The following ATP6V1A variants were observed in gnomAD, a reference collection of about 807,000 sequenced individuals.
The protein encoded by ATP6V1A is V-type proton ATPase catalytic subunit A.
ATP6V1A carries 18 observed loss-of-function variants against 70.1 expected under a neutral mutation model. That is an observed-to-expected ratio of 0.26 (90% CI 0.18 to 0.38). The LOEUF (loss-of-function observed/expected upper bound fraction) is 0.38. Among genes scored for constraint, ATP6V1A ranks in the 10% least tolerant of loss-of-function variants. The pLI, the probability that ATP6V1A is intolerant of heterozygous loss-of-function variation, is 1.00. For missense variants in ATP6V1A, 424 were observed against 772.4 expected (o/e 0.55, Z 5.35); for synonymous variants, 232 against 253.8 (o/e 0.91, Z 0.82).
At chr3:113,800,897 G>A (rs977682296) in intron 12 of ATP6V1A, among the ~76,000 whole-genome samples, 6 of 152,180 alleles carry the variant, frequency 3.9e-5, no homozygotes, top group Non-Finnish European at 7.3e-5. Flanking sequence ...ACTCATACCT[G>A]TAATCCCAGC....
At chr3:113,786,858 C>T (rs777475336) in intron 6 of ATP6V1A, among the ~76,000 whole-genome samples, 1 of 151,902 alleles carries the variant, frequency 6.6e-6, no homozygotes, top group Non-Finnish European at 1.5e-5. Flanking sequence ...CTCACTGCAA[C>T]CTCTGCCTCC....
intron 14 of ATP6V1A, among the ~76,000 whole-genome samples, chr3:113,808,147 A>G (rs1393327637): frequency 6.7e-6 from 1 of 149,650 alleles, no homozygotes; most frequent in Non-Finnish European, 1.5e-5. Context: ...AAAAAAAACA[A>G]AGAAAAGAAA....
At chr3:113,752,506 T>G (rs943253002) in intron 1 of ATP6V1A, among the ~76,000 whole-genome samples, 2 of 152,000 alleles carry the variant, frequency 1.3e-5, no homozygotes, top group Non-Finnish European at 2.9e-5. Context: ...TTGCAAAATA[T>G]TTCTTAATTT....
At chr3:113,750,428 G>A (rs1012565520) in intron 1 of ATP6V1A, among the ~76,000 whole-genome samples, 2 of 152,172 alleles carry the variant, frequency 1.3e-5, no homozygotes, top group African/African-American at 4.8e-5. Flanking sequence ...GTTGCAGTGA[G>A]CCAAGATCAC....
At chr3:113,756,963 G>A (rs1437451156) in intron 1 of ATP6V1A, among the ~76,000 whole-genome samples, 1 of 152,182 alleles carries the variant, frequency 6.6e-6, no homozygotes, top group East Asian at 1.9e-4. Context: ...AAATGAGGTA[G>A]CGAGGAGCTT....
intron 1 of ATP6V1A, among the ~76,000 whole-genome samples, chr3:113,776,959 C>T (rs1324115491): frequency 6.6e-6 from 1 of 152,214 alleles, no homozygotes; most frequent in Non-Finnish European, 1.5e-5. Flanking sequence ...AAGGTATCTT[C>T]TCTAAACATT....
intron 1 of ATP6V1A, among the ~76,000 whole-genome samples, chr3:113,752,868 TTA>T (rs768916925): frequency 7.2e-5 from 11 of 152,132 alleles, no homozygotes; most frequent in Non-Finnish European, 1.5e-4. Context: ...GATTAGAGGC[TTA>T]AATGTAAACA....
chr3:113,771,902 T>G (rs1218601418), intron 1 of ATP6V1A, among the ~76,000 whole-genome samples: 1 of 152,212 alleles, frequency 6.6e-6, no homozygotes, highest in Non-Finnish European at 1.5e-5. Context: ...GAAATTTCCT[T>G]GCTTACGGTA....
chr3:113,754,159 G>T (rs1008871767), intron 1 of ATP6V1A, among the ~76,000 whole-genome samples: 1 of 152,154 alleles, frequency 6.6e-6, no homozygotes, highest in Non-Finnish European at 1.5e-5. Flanking sequence ...GCACTAAGAT[G>T]ATTTACTTTC....
intron 8 of ATP6V1A, among the ~76,000 whole-genome samples, chr3:113,794,270 A>G (rs1320626715): frequency 1.3e-5 from 2 of 152,220 alleles, no homozygotes; most frequent in South Asian, 2.1e-4. Flanking sequence ...TTGCATGCAT[A>G]CATGTTTGTG....
intron 5 of ATP6V1A, among the ~76,000 whole-genome samples, chr3:113,785,952 C>T (rs1368782448): frequency 6.8e-6 from 1 of 147,878 alleles, no homozygotes; most frequent in Admixed American, 6.8e-5. Flanking sequence ...ATCCTCCTGC[C>T]TCAGTTTTCT....
At chr3:113,797,957 AC>A (rs777991466) in intron 11 of ATP6V1A, among the ~76,000 whole-genome samples, 54 of 152,040 alleles carry the variant, frequency 3.6e-4, no homozygotes, top group Admixed American at 2.0e-4. Context: ...ACATGGTGAA[AC>A]CCCATCTCTA....
rs1242909342 is a variant in ATP6V1A at position 113,798,325 on chromosome 3, T to C, written c.1373T>C (p.Met458Thr). ...VNWLISYSKYMRALDEYYDKH... is the reference protein window; with the variant it reads ...VNWLISYSKYTRALDEYYDKH... ...TGGCTCATCAGCTACAGCAAGTATA[T>C]GCGTGCCTTGGATGAATACTATGAC... is the stretch of plus-strand genomic sequence containing the variant. Residue 458 changes from methionine (M) to threonine (T), a missense_variant, in exon 12 of 15, where the codon ATG becomes ACG. This residue lies in a region of ATP6V1A where 127 missense variants were observed against 207.9 expected (regional missense o/e 0.61). Transcript: ENST00000273398. 15 of 1,613,888 alleles carry C rather than the reference T, an allele frequency of 9.3e-6. No homozygotes were observed. Among genetic ancestry groups the C allele is most frequent in the Non-Finnish European group, 1.0e-5 (12 of 1,180,012 alleles).
Position 113,765,644 on chromosome 3 carries a change from G to A in ATP6V1A, c.-13-13097G>A, listed in dbSNP as rs148737269. Among the ~76,000 whole-genome samples the A allele has an allele frequency of 9.5e-3, 1,433 of 150,768 alleles. 19 individuals are homozygous for A. The highest frequency in any genetic ancestry group is 0.033 in the African/African-American group (1,335 of 41,024). The stretch of plus-strand genomic sequence containing the variant: ...GAGAGAGAGAGATGAGTGGCCGGGC[G>A]CGGTGGCTCGGCCTGTTATCCCAGC... On this transcript the variant is annotated intron_variant, in intron 1 of 14. Transcript: ENST00000273398.
In ATP6V1A at chr3:113,787,344, C is replaced by A. The variant is rs1303085008; in HGVS notation, c.716+961C>A. On this transcript the variant is annotated intron_variant, in intron 6 of 14. Coordinates refer to ENST00000273398, the MANE Select transcript of ATP6V1A (RefSeq NM_001690.4). ...AACTGAGAAGCAAGCAACATGAATA[C>A]CTAACTTTAAGTTTGATGCTGGATC... 2.0e-5 allele frequency among the ~76,000 whole-genome samples: 3 copies of A among 152,114 alleles called. No homozygotes were observed. The East Asian group carries it at 5.8e-4, about 29-fold the overall frequency.
Position 113,789,809 on chromosome 3 carries a change from T to G in ATP6V1A, c.957T>G (p.Pro319=), listed in dbSNP as rs140941251. Residue 319 remains proline (P), a synonymous_variant, in exon 8 of 15, where the codon CCT becomes CCG. Coordinates refer to ENST00000273398, the MANE Select transcript of ATP6V1A (RefSeq NM_001690.4). ...TGGTAGCCAATACCTCCAATATGCC[T>G]GTTGCTGCTAGAGAAGCCTCTATTT... ...TALVANTSNM[P]VAAREASIYT... is the part of the protein sequence containing the mutation. 74 of 1,610,878 alleles carry G rather than the reference T, an allele frequency of 4.6e-5. No homozygotes were observed. Among genetic ancestry groups the G allele is most frequent in the Non-Finnish European group, 6.2e-5 (73 of 1,177,168 alleles).
rs769898057 is a variant in ATP6V1A, at chr3:113,750,348, G to A, written c.-14+3235G>A. Among the ~76,000 whole-genome samples the A allele has an allele frequency of 3.9e-4, 59 of 152,270 alleles. 1 individual carries two copies. Among genetic ancestry groups the A allele is most frequent in the Admixed American group, 2.1e-3 (32 of 15,298 alleles). ...ATTAAAAAAATTAGCCAGGCATGGC[G>A]GCACGCGCCTGTAGTGCCAGCTACT... On this transcript the variant is annotated intron_variant, in intron 1 of 14. Coordinates refer to ENST00000273398, the MANE Select transcript of ATP6V1A (RefSeq NM_001690.4).
chr3:113,762,049 G>T (rs1708710715), intron 1 of ATP6V1A, among the ~76,000 whole-genome samples: 2 of 129,336 alleles, frequency 1.5e-5, no homozygotes, highest in South Asian at 4.6e-4. Flanking sequence ...CTACTCTGGA[G>T]GCTGAAGCAG....
intron 1 of ATP6V1A, among the ~76,000 whole-genome samples, chr3:113,754,682 C>G (rs1201663008): frequency 6.6e-6 from 1 of 152,042 alleles, no homozygotes; most frequent in Non-Finnish European, 1.5e-5. Context: ...GCACATTGCA[C>G]AAGTGTGGGA....
Sources: gnomAD v4.1 joint callset for allele counts (sites outside exome capture counted in the v4.1 genomes callset) on GRCh38, gnomAD v4.1.1 for gene constraint, gnomAD v4.1.1 regional missense constraint, MANE v1.5 for transcripts, NCBI Gene and HGNC (gene_info 2026-07-23, HGNC 2026-07-21) for gene names.